The following AFF3 variants were observed in gnomAD, a reference collection of about 807,000 sequenced individuals.
AFF3 encodes the protein AF4/FMR2 family member 3.
Under a neutral mutation model 129.7 loss-of-function variants are expected in AFF3, and 32 were observed. The ratio of observed to expected loss-of-function variants is 0.25; its 90% CI spans 0.19 to 0.33. AFF3 has a LOEUF of 0.33. Among genes scored for constraint, AFF3 ranks in the 10% least tolerant of loss-of-function variants. The pLI, the probability that AFF3 is intolerant of heterozygous loss-of-function variation, is 1.00. For missense variants in AFF3, 1,373 were observed against 1,592.0 expected, an observed-to-expected ratio of 0.86 and a Z score of 2.34; for synonymous variants, 644 against 635.4, an observed-to-expected ratio of 1.01 and a Z score of -0.20.
At chr2:99,706,021 C>A (rs908911141) in intron 11 of AFF3, among the ~76,000 whole-genome samples, 59 of 152,132 alleles carry the variant, frequency 3.9e-4, no homozygotes, top group African/African-American at 1.4e-3. Flanking sequence ...CAGGCCCCAA[C>A]CCAGCCACAC....
intron 18 of AFF3, among the ~76,000 whole-genome samples, chr2:99,571,048 G>C (rs753724479): frequency 6.6e-6 from 1 of 152,190 alleles, no homozygotes; most frequent in Non-Finnish European, 1.5e-5. Context: ...TTGCTGGTAC[G>C]TTTTTAGTAA....
At chr2:99,765,508 G>A (rs1437703044) in intron 8 of AFF3, among the ~76,000 whole-genome samples, 1 of 152,126 alleles carries the variant, frequency 6.6e-6, no homozygotes, top group Non-Finnish European at 1.5e-5. Flanking sequence ...AATGACCTCG[G>A]GCAAGTTTAC....
chr2:99,677,424 G>A (rs1165451902), intron 11 of AFF3, among the ~76,000 whole-genome samples: 1 of 152,208 alleles, frequency 6.6e-6, no homozygotes, highest in Non-Finnish European at 1.5e-5. Context: ...CATGAGAACT[G>A]TGACACTTTA....
intron 7 of AFF3, among the ~76,000 whole-genome samples, chr2:99,922,351 C>T (rs189982118): frequency 7.5e-4 from 114 of 152,182 alleles, no homozygotes; most frequent in Middle Eastern, 3.4e-3. Context: ...CAGCCAACTG[C>T]GCTTTATTTA....
intron 2 of AFF3, chr2:100,109,761 G>T (rs957353363): frequency 1.3e-5 from 2 of 152,186 alleles, no homozygotes; most frequent in African/African-American, 4.8e-5. Context: ...CATGAGGTAT[G>T]TTGCCATTGT....
intron 11 of AFF3, among the ~76,000 whole-genome samples, chr2:99,687,119 A>G (rs1255980361): frequency 1.3e-5 from 2 of 152,204 alleles, no homozygotes; most frequent in Non-Finnish European, 2.9e-5. Flanking sequence ...CCTGAGTGCA[A>G]TGAGTATGTA....
intron 9 of AFF3, among the ~76,000 whole-genome samples, chr2:99,746,177 T>TAA (rs796726425): frequency 3.1e-4 from 45 of 144,020 alleles, no homozygotes; most frequent in African/African-American, 9.9e-4. Flanking sequence ...AATAGGAATG[T>TAA]AAAAAAAAAA....
At chr2:99,898,586 G>A (rs1046605239) in intron 7 of AFF3, among the ~76,000 whole-genome samples, 40 of 152,054 alleles carry the variant, frequency 2.6e-4, no homozygotes, top group African/African-American at 6.0e-4. Flanking sequence ...TCTCTGCCCC[G>A]GGCATGGCAT....
intron 8 of AFF3, among the ~76,000 whole-genome samples, chr2:99,801,039 T>C (rs1253486404): frequency 6.6e-6 from 1 of 152,208 alleles, no homozygotes; most frequent in Non-Finnish European, 1.5e-5. Context: ...TTCTATAGCA[T>C]GAGTTACTTA....
chr2:99,982,452 C>T (rs1322763567), intron 7 of AFF3, among the ~76,000 whole-genome samples: 2 of 152,214 alleles, frequency 1.3e-5, no homozygotes, highest in African/African-American at 4.8e-5. Flanking sequence ...TATTAAACCT[C>T]TTCGTTTTTG....
chr2:99,558,970 T>C lies in AFF3; in HGVS notation c.3192-2A>G. On this transcript the variant is annotated splice_acceptor_variant, in intron 21 of 24. Coordinates refer to ENST00000672756, the MANE Select transcript of AFF3 (RefSeq NM_001386135.1). LOFTEE classifies it high-confidence loss of function. ...TACAGGAGGGCCAGGCATCGGTAACTGCAGGCGAAAAGAGAAACAGGCCCA... is the reference window on the plus strand; with the variant it reads ...TACAGGAGGGCCAGGCATCGGTAACCGCAGGCGAAAAGAGAAACAGGCCCA... 1 of 1,614,166 alleles carries C rather than the reference T, an allele frequency of 6.2e-7. No homozygotes were observed. The highest frequency in any genetic ancestry group is 8.5e-7 in the Non-Finnish European group (1 of 1,179,994).
rs148636500 is a variant in AFF3, at chr2:99,608,646, C to T, written c.1185-7025G>A. Among the ~76,000 whole-genome samples, 1,146 of 152,230 alleles carry T rather than the reference C, an allele frequency of 7.5e-3. 21 individuals carry two copies. Among genetic ancestry groups the T allele is most frequent in the African/African-American group, 0.026 (1,062 of 41,540 alleles). Reference sequence around the variant, plus strand: ...CAGCTCCCCAGCCGAGGGGAAGGAACCAAACTGGAGAATCCCACTAGGTCG... The same window carrying T: ...CAGCTCCCCAGCCGAGGGGAAGGAATCAAACTGGAGAATCCCACTAGGTCG... On this transcript the variant is annotated intron_variant, in intron 13 of 24. Coordinates refer to ENST00000672756, the MANE Select transcript of AFF3 (RefSeq NM_001386135.1).
intron 4 of AFF3, among the ~76,000 whole-genome samples, chr2:100,083,568 T>G (rs1689190462): frequency 6.6e-6 from 1 of 152,224 alleles, no homozygotes; most frequent in African/African-American, 2.4e-5. Flanking sequence ...ATAGAGTTCT[T>G]ACAGTTCTCT....
intron 7 of AFF3, among the ~76,000 whole-genome samples, chr2:99,848,730 T>C (rs1226129137): frequency 1.3e-5 from 2 of 152,186 alleles, no homozygotes; most frequent in Non-Finnish European, 2.9e-5. Context: ...TCATGGTTAT[T>C]TTCTATCTAA....
intron 17 of AFF3, 116 bp downstream of exon 17, chr2:99,582,682 C>T (rs565191739): frequency 8.9e-7 from 1 of 1,124,098 alleles, no homozygotes; most frequent in South Asian, 1.4e-5. Context: ...GGGAGGCATT[C>T]AGGAATTCTC....
chr2:99,965,864 C>T (rs768615829), intron 7 of AFF3, among the ~76,000 whole-genome samples: 1 of 152,150 alleles, frequency 6.6e-6, no homozygotes, highest in Non-Finnish European at 1.5e-5. Context: ...TTCAAACCTA[C>T]TAGTCATATT....
chr2:100,092,303 C>T (rs1184125700), intron 4 of AFF3, among the ~76,000 whole-genome samples: 3 of 152,002 alleles, frequency 2.0e-5, no homozygotes, highest in African/African-American at 7.2e-5. Context: ...TGAGTGAATA[C>T]TGTCTGTGTC....
chr2:99,695,676 C>A (rs949502950), intron 11 of AFF3, among the ~76,000 whole-genome samples: 2 of 152,110 alleles, frequency 1.3e-5, no homozygotes, highest in Non-Finnish European at 2.9e-5. Flanking sequence ...TTCCAACAAC[C>A]TTAATAAGCA....
intron 7 of AFF3, among the ~76,000 whole-genome samples, chr2:99,844,483 G>A (rs1178305556): frequency 1.6e-5 from 2 of 124,824 alleles, no homozygotes; most frequent in Non-Finnish European, 3.1e-5. Context: ...TGTCTCCCAG[G>A]CTAGAGCACA....
Sources: allele counts gnomAD v4.1 joint callset (sites outside exome capture counted in the v4.1 genomes callset), GRCh38; gene constraint gnomAD v4.1.1; transcripts MANE v1.5; gene names NCBI Gene and HGNC (gene_info 2026-07-23, HGNC 2026-07-21).